SBF2: variants seen among roughly 807,000 people sequenced by gnomAD.
The protein encoded by SBF2 is SET binding factor 2, also known as myotubularin-related protein 13.
A neutral mutation model predicts 225.2 loss-of-function variants in SBF2; 112 were observed. The ratio of observed to expected loss-of-function variants is 0.50; its 90% CI spans 0.43 to 0.58. The LOEUF is 0.58. Among genes scored for constraint, SBF2 ranks in the 20% least tolerant of loss-of-function variants. SBF2 has a pLI of 0.00. For synonymous variants in SBF2, 763 were observed against 773.3 expected, an observed-to-expected ratio of 0.99 and a Z score of 0.22; for missense variants, 1,996 against 2,206.2, an observed-to-expected ratio of 0.90 and a Z score of 1.91.
At chr11:9,897,138 A>T (rs930026035) in intron 16 of SBF2, among the ~76,000 whole-genome samples, 5 of 152,230 alleles carry the variant, frequency 3.3e-5, no homozygotes, top group Non-Finnish European at 1.5e-5. Flanking sequence ...CAGATAAGTG[A>T]ATAAACACAA....
At chr11:9,934,858 G>A (rs1294775277) in intron 16 of SBF2, among the ~76,000 whole-genome samples, 1 of 152,136 alleles carries the variant, frequency 6.6e-6, no homozygotes, top group Non-Finnish European at 1.5e-5. Flanking sequence ...CATACTGAAT[G>A]GGCAAAAACT....
At chr11:9,969,029 A>T (rs1214497807) in intron 13 of SBF2, among the ~76,000 whole-genome samples, 6 of 152,186 alleles carry the variant, frequency 3.9e-5, no homozygotes, top group South Asian at 2.1e-4. Context: ...TGGATTTTTT[A>T]AAAAATTCTA....
rs35103287 is a variant in SBF2 at position 10,263,184 on chromosome 11, T to TA, written c.55+30830dup. 1.8e-4 allele frequency among the ~76,000 whole-genome samples: 28 copies of TA among 151,812 alleles called. No homozygotes were observed. In the South Asian group the frequency reaches 1.9e-3, roughly 10 times the overall value. ...AAGAATCTTCTGTTATCCTTTTAAA[T>TA]AAAAAAAATCAGCACAATAAATCAA... On this transcript the variant is annotated intron_variant, in intron 1 of 39. Coordinates refer to ENST00000256190, the MANE Select transcript of SBF2 (RefSeq NM_030962.4).
At chr11:10,128,688 G>T (rs1288255381) in intron 2 of SBF2, among the ~76,000 whole-genome samples, 1 of 152,124 alleles carries the variant, frequency 6.6e-6, no homozygotes, top group Admixed American at 6.5e-5. Context: ...AGAAAATACT[G>T]CTGTTCAGAC....
intron 13 of SBF2, among the ~76,000 whole-genome samples, chr11:9,969,376 T>C (rs1272735598): frequency 6.6e-6 from 1 of 152,254 alleles, no homozygotes; most frequent in Admixed American, 6.5e-5. Flanking sequence ...GTTAAGAGTA[T>C]GTCAGTTCAT....
intron 2 of SBF2, among the ~76,000 whole-genome samples, chr11:10,060,014 C>T (rs1404172509): frequency 6.6e-6 from 1 of 151,662 alleles, no homozygotes; most frequent in Non-Finnish European, 1.5e-5. Context: ...TAGCAGAAGA[C>T]GAGAAATAAC....
At chr11:9,928,046 T>G (rs919740844) in intron 16 of SBF2, among the ~76,000 whole-genome samples, 3 of 152,176 alleles carry the variant, frequency 2.0e-5, no homozygotes, top group African/African-American at 7.2e-5. Context: ...CACTTTGGGT[T>G]TAGAGAAGAC....
In SBF2 at chr11:9,832,301, G is replaced by A. The variant is rs768076833; in HGVS notation, c.3575C>T (p.Thr1192Ile). The part of the protein sequence containing the change: ...VVCWKNSRSG[T>I]LLLRSGGFHG... ...GAATCCTCCAGATCGGAGGAGCAGA[G>A]TACCACTTCTTGAGTTCTTCCAACA... The change falls in exon 27 of 40, where the codon ACT becomes ATT. Residue 1192 changes from threonine (T) to isoleucine (I), a missense_variant. Coordinates refer to ENST00000256190, the MANE Select transcript of SBF2 (RefSeq NM_030962.4). 4.3e-6 allele frequency: 7 copies of A among 1,614,024 alleles called. No individual in the cohort carries two copies. The African/African-American group carries it at 8.0e-5, about 18-fold the overall frequency.
At chr11:10,261,285 C>A (rs1961404583) in intron 1 of SBF2, among the ~76,000 whole-genome samples, 1 of 152,202 alleles carries the variant, frequency 6.6e-6, no homozygotes, top group Non-Finnish European at 1.5e-5. Flanking sequence ...TCACTGCAAC[C>A]TCCACCTCCT....
At chr11:9,807,843 C>T (rs879044372) in intron 32 of SBF2, 157 bp downstream of exon 32, 1 of 739,516 alleles carries the variant, frequency 1.4e-6, no homozygotes, top group Non-Finnish European at 2.3e-6. Context: ...CTTTTCCATT[C>T]CTAGGAGTCT....
intron 13 of SBF2, among the ~76,000 whole-genome samples, chr11:9,977,038 G>C (rs746225477): frequency 6.6e-6 from 1 of 152,104 alleles, no homozygotes; most frequent in South Asian, 2.1e-4. Flanking sequence ...GATTACAAGC[G>C]TGAGCCACCG....
At chr11:10,158,087 C>A (rs189328271) in intron 2 of SBF2, among the ~76,000 whole-genome samples, 1 of 151,934 alleles carries the variant, frequency 6.6e-6, no homozygotes, top group Non-Finnish European at 1.5e-5. Flanking sequence ...CTTAAGCAAC[C>A]AATGTATCGA....
At position 9,955,353 on chromosome 11, in the gene SBF2, T is replaced by C. The variant is rs142521094; in HGVS notation, c.1860+6604A>G. On this transcript the variant is annotated intron_variant, in intron 16 of 39. Transcript: ENST00000256190. ...TAATTTTAGGTCAAAAATAGATTCATATCTACTTTATGTAACTTCCCTTTT... is the reference window on the plus strand; with the variant it reads ...TAATTTTAGGTCAAAAATAGATTCACATCTACTTTATGTAACTTCCCTTTT... Among the ~76,000 whole-genome samples the C allele has an allele frequency of 2.9e-3, 439 of 152,200 alleles. 1 individual carries two copies. Among genetic ancestry groups the C allele is most frequent in the African/African-American group, 9.6e-3 (400 of 41,570 alleles).
At chr11:10,083,933 A>G (rs956929387) in intron 2 of SBF2, among the ~76,000 whole-genome samples, 1 of 152,318 alleles carries the variant, frequency 6.6e-6, no homozygotes, top group East Asian at 1.9e-4. Context: ...TGAGGCCACG[A>G]GTTCAAGACT....
chr11:10,112,952 C>T (rs1457150906), intron 2 of SBF2, among the ~76,000 whole-genome samples: 1 of 152,130 alleles, frequency 6.6e-6, no homozygotes, highest in African/African-American at 2.4e-5. Context: ...TAACAAAATA[C>T]AAAACACTCT....
chr11:10,264,974 T>C (rs1264213188), intron 1 of SBF2, among the ~76,000 whole-genome samples: 1 of 152,178 alleles, frequency 6.6e-6, no homozygotes, highest in Non-Finnish European at 1.5e-5. Flanking sequence ...CTTTATCCAG[T>C]CTATTATTGA....
intron 16 of SBF2, among the ~76,000 whole-genome samples, chr11:9,902,331 A>G (rs1395742070): frequency 2.6e-5 from 4 of 152,208 alleles, no homozygotes; most frequent in African/African-American, 9.7e-5. Flanking sequence ...TCAAGTATTT[A>G]TACAAAGCTT....
At chr11:9,980,000 A>G (rs145820608) in intron 13 of SBF2, among the ~76,000 whole-genome samples, 2,072 of 150,738 alleles carry the variant, frequency 0.014, 20 homozygotes, top group Non-Finnish European at 0.02. Context: ...TTTTTTTTTC[A>G]AGACAGAGTC....
At chr11:9,802,734 C>T (rs916866839) in intron 32 of SBF2, among the ~76,000 whole-genome samples, 1 of 152,116 alleles carries the variant, frequency 6.6e-6, no homozygotes, top group African/African-American at 2.4e-5. Context: ...ACCAGTATGT[C>T]GAAGATGATG....
Sources: gnomAD v4.1 joint callset for allele counts (sites outside exome capture counted in the v4.1 genomes callset) on GRCh38, gnomAD v4.1.1 for gene constraint, MANE v1.5 for transcripts, NCBI Gene and HGNC (gene_info 2026-07-23, HGNC 2026-07-21) for gene names.